Variants in DST observed in about 807,000 individuals in gnomAD.
The protein encoded by DST is dystonin.
A neutral mutation model predicts 875.2 loss-of-function variants in DST; 253 were observed. That is an observed-to-expected ratio of 0.29 (90% CI 0.26 to 0.32). The LOEUF (loss-of-function observed/expected upper bound fraction) is 0.32. DST is among the 10% of genes least tolerant of loss of function. The pLI is 1.00. For synonymous variants in DST, 3,124 were observed against 3,197.1 expected (o/e 0.98, Z 0.77); for missense variants, 8,287 against 9,111.6 (o/e 0.91, Z 3.68).
chr6:56,740,752 G>A (rs921731123), intron 4 of DST, among the ~76,000 whole-genome samples: 2 of 152,236 alleles, frequency 1.3e-5, no homozygotes, highest in Admixed American at 1.3e-4. Context: ...CTGTGCCAAA[G>A]TCTAGCACTC....
In DST at chr6:56,619,343, T is replaced by C. The variant is rs1358440279; in HGVS notation, c.4930-4859A>G. 2.5e-6 allele frequency: 4 copies of C among 1,613,540 alleles called. No individual in the cohort carries two copies. Among genetic ancestry groups the C allele is most frequent in the Non-Finnish European group, 3.4e-6 (4 of 1,179,954 alleles). On this transcript the variant is annotated intron_variant, in intron 36 of 103. Transcript: ENST00000680361. ...TAGCATCTCTGCACACTCATTACTT[T>C]TCTCCAATTCTTCATTGAGCCTTTG...
intron 4 of DST, among the ~76,000 whole-genome samples, chr6:56,749,189 C>A (rs1340256827): frequency 1.3e-5 from 2 of 152,074 alleles, no homozygotes; most frequent in Admixed American, 6.5e-5. Flanking sequence ...CTCGTCTCTA[C>A]TAAAAATACA....
intron 4 of DST, chr6:56,843,614 T>C: frequency 1.0e-6 from 1 of 983,590 alleles, no homozygotes; most frequent in Non-Finnish European, 1.2e-6. Context: ...ACCGGCGCGC[T>C]GCCTTCACCG....
chr6:56,906,949 A>G (rs1796701576), intron 2 of DST, among the ~76,000 whole-genome samples: 1 of 152,152 alleles, frequency 6.6e-6, no homozygotes, highest in Non-Finnish European at 1.5e-5. Context: ...GCATTTCCCA[A>G]TGATGAGTAA....
chr6:56,721,106 G>A lies in DST; in HGVS notation c.687+14122C>T, dbSNP rs550439043. ...GACGGGGCGGCTGCCGGGCGGGGGC[G>A]CCCCCCCACCTCCCAGACAGGGCAG... On this transcript the variant is annotated intron_variant, in intron 5 of 103. Transcript: ENST00000680361. Among the ~76,000 whole-genome samples, 48 of 148,282 alleles carry A rather than the reference G, an allele frequency of 3.2e-4. No homozygotes were observed. The East Asian group carries it at 7.0e-3, about 22-fold the overall frequency.
chr6:56,916,774 TCTCTCACACACACA>T (rs1417586698), intron 2 of DST, among the ~76,000 whole-genome samples: 12 of 88,518 alleles, frequency 1.4e-4, no homozygotes, highest in African/African-American at 5.3e-4. Flanking sequence ...TCTCTCTCTC[TCTCTCACACACACA>T]CACACACACA....
chr6:56,615,291 A>T, intron 36 of DST: 1 of 1,345,336 alleles, frequency 7.4e-7, no homozygotes, highest in Non-Finnish European at 9.5e-7. Flanking sequence ...AAGTTTCAAA[A>T]AACCATTCTC....
At chr6:56,475,435 A>AC (rs2095139099) in intron 92 of DST, among the ~76,000 whole-genome samples, 1 of 150,728 alleles carries the variant, frequency 6.6e-6, no homozygotes, top group Non-Finnish European at 1.5e-5. Flanking sequence ...ACACACACAC[A>AC]AAATAATGGC....
At chr6:56,815,838 A>G (rs1342054251) in intron 4 of DST, among the ~76,000 whole-genome samples, 1 of 152,178 alleles carries the variant, frequency 6.6e-6, no homozygotes, top group African/African-American at 2.4e-5. Context: ...CTGCAAGACT[A>G]TTAAATAAAA....
rs1342961155 is a variant in DST at position 56,492,394 on chromosome 6, T to C, written c.20590A>G (p.Ile6864Val). The C allele has an allele frequency of 6.2e-7, 1 of 1,613,812 alleles. No individual in the cohort carries two copies. Among genetic ancestry groups the C allele is most frequent in the Non-Finnish European group, 8.5e-7 (1 of 1,179,820 alleles). Residue 6864 changes from isoleucine to valine, a missense_variant, in exon 85 of 104, where the codon ATA (isoleucine) becomes GTA (valine). Physicochemically the swap from Ile to Val is conservative, Grantham distance 29. Around this residue, in one of 10 missense-constraint regions of DST, gnomAD observed 1,292 missense variants for 1,552.7 expected, o/e 0.83. Coordinates refer to ENST00000680361, the MANE Select transcript of DST (RefSeq NM_001374736.1). ...TGGGTTCCAGTTTTGTCCAGCTCTA[T>C]TATCTGCTCACGATGAGAATTTACT... ...NEVNSHREQIIELDKTGTHLK... is the reference protein window; with the variant it reads ...NEVNSHREQIVELDKTGTHLK...
intron 15 of DST, among the ~76,000 whole-genome samples, chr6:56,643,987 G>A (rs1439239161): frequency 1.3e-5 from 2 of 152,180 alleles, no homozygotes; most frequent in African/African-American, 4.8e-5. Context: ...TACAAATGAA[G>A]AAACTGAGGC....
chr6:56,729,076 T>A (rs921007667), intron 5 of DST, among the ~76,000 whole-genome samples: 5 of 151,890 alleles, frequency 3.3e-5, no homozygotes, highest in Admixed American at 2.0e-4. Flanking sequence ...TCAATCTGGG[T>A]AAACAGTCTA....
intron 4 of DST, among the ~76,000 whole-genome samples, chr6:56,776,232 C>G (rs548862011): frequency 1.3e-5 from 2 of 152,308 alleles, no homozygotes; most frequent in South Asian, 4.1e-4. Context: ...AAATACCTGA[C>G]CACTACTCCT....
chr6:56,689,001 G>GT (rs1467767633), intron 9 of DST, among the ~76,000 whole-genome samples: 2 of 152,138 alleles, frequency 1.3e-5, no homozygotes, highest in African/African-American at 2.4e-5. Context: ...ATTGCCTCAG[G>GT]TAACAGTTCA....
chr6:56,729,607 C>CAA (rs569525896), intron 5 of DST, among the ~76,000 whole-genome samples: 9 of 63,704 alleles, frequency 1.4e-4, no homozygotes, highest in Non-Finnish European at 2.1e-4. Flanking sequence ...AACTCCATCT[C>CAA]AAAAAAAAAA....
intron 9 of DST, among the ~76,000 whole-genome samples, chr6:56,688,984 A>C (rs2099207259): frequency 6.6e-6 from 1 of 152,202 alleles, no homozygotes; most frequent in Admixed American, 6.5e-5. Context: ...TAGGAAAAGG[A>C]GGGTAAATTG....
At chr6:56,719,350 T>C (rs2099406245) in intron 5 of DST, among the ~76,000 whole-genome samples, 1 of 152,224 alleles carries the variant, frequency 6.6e-6, no homozygotes. Flanking sequence ...AATCTGTCAG[T>C]GTCAACCACT....
At chr6:56,540,035 A>G (rs574206096) in intron 61 of DST, among the ~76,000 whole-genome samples, 1 of 152,292 alleles carries the variant, frequency 6.6e-6, no homozygotes, top group East Asian at 1.9e-4. Context: ...CATCTGCACA[A>G]TCAATAACAG....
At chr6:56,658,103 G>A (rs1294376248) in intron 10 of DST, among the ~76,000 whole-genome samples, 4 of 149,400 alleles carry the variant, frequency 2.7e-5, no homozygotes, top group Non-Finnish European at 4.5e-5. Flanking sequence ...TCACTCTGTC[G>A]CCAGGCTGGA....
Sources: gnomAD v4.1 joint callset for allele counts (sites outside exome capture counted in the v4.1 genomes callset) on GRCh38, gnomAD v4.1.1 for gene constraint, gnomAD v4.1.1 regional missense constraint, MANE v1.5 for transcripts, NCBI Gene and HGNC (gene_info 2026-07-23, HGNC 2026-07-21) for gene names.